The following GSK3B variants were observed in gnomAD, a reference collection of about 807,000 sequenced individuals.
GSK3B encodes the protein glycogen synthase kinase 3 beta, also known as glycogen synthase kinase-3 beta.
GSK3B carries 15 observed loss-of-function variants against 56.4 expected under a neutral mutation model. That is an observed-to-expected ratio of 0.27 (90% CI 0.18 to 0.41). The LOEUF (loss-of-function observed/expected upper bound fraction) is 0.41. Ranked by LOEUF, GSK3B falls within the 10% of genes least tolerant of loss-of-function variation. The pLI, the probability that GSK3B is intolerant of heterozygous loss-of-function variation, is 1.00. For synonymous variants in GSK3B, 181 were observed against 188.9 expected, an observed-to-expected ratio of 0.96 and a Z score of 0.34; for missense variants, 300 against 513.4, an observed-to-expected ratio of 0.58 and a Z score of 4.02.
intron 2 of GSK3B, among the ~76,000 whole-genome samples, chr3:119,986,516 G>T (rs1009528468): frequency 6.6e-6 from 1 of 151,526 alleles, no homozygotes; most frequent in Non-Finnish European, 1.5e-5. Flanking sequence ...TCATAAAGTG[G>T]GCAACAGATA....
At chr3:119,843,617 G>A in intron 9 of GSK3B, 1 of 227,422 alleles carries the variant, frequency 4.4e-6, no homozygotes, top group Non-Finnish European at 8.9e-6. Context: ...GCAACAAGAA[G>A]AGCTAACTAT....
chr3:120,026,486 G>A (rs2057925134), intron 1 of GSK3B, among the ~76,000 whole-genome samples: 1 of 147,756 alleles, frequency 6.8e-6, no homozygotes, highest in Non-Finnish European at 1.5e-5. Flanking sequence ...TGGAAACAGA[G>A]AAATAAGCAA....
chr3:120,002,551 CT>C (rs1338898843), intron 1 of GSK3B, among the ~76,000 whole-genome samples: 1 of 152,130 alleles, frequency 6.6e-6, no homozygotes, highest in African/African-American at 2.4e-5. Context: ...GTTGGCCAGG[CT>C]GGTCTTGAAC....
At chr3:119,963,625 C>CAAAAAA (rs774359104) in intron 2 of GSK3B, among the ~76,000 whole-genome samples, 30 of 78,986 alleles carry the variant, frequency 3.8e-4, no homozygotes, top group African/African-American at 1.1e-3. Context: ...TTCTTCCCCA[C>CAAAAAA]AAAAAAAAAA....
intron 2 of GSK3B, among the ~76,000 whole-genome samples, chr3:119,948,702 T>C (rs1232442678): frequency 2.0e-5 from 3 of 152,162 alleles, no homozygotes; most frequent in Admixed American, 1.3e-4. Context: ...CTTTGTTTTT[T>C]TGTTTGTTTG....
At chr3:119,903,471 G>A (rs1021452649) in intron 7 of GSK3B, among the ~76,000 whole-genome samples, 4 of 149,906 alleles carry the variant, frequency 2.7e-5, no homozygotes, top group African/African-American at 9.7e-5. Flanking sequence ...TATTGATCAC[G>A]GACCATTTTG....
intron 9 of GSK3B, 81 bp downstream of exon 9, chr3:119,863,338 A>G (rs1577323264): frequency 8.7e-7 from 1 of 1,155,300 alleles, no homozygotes; most frequent in South Asian, 1.3e-5. Context: ...TCCTCCACAG[A>G]TTTTAATTAA....
chr3:119,948,306 G>A (rs1004496599), intron 2 of GSK3B, among the ~76,000 whole-genome samples: 6 of 152,296 alleles, frequency 3.9e-5, no homozygotes, highest in African/African-American at 1.4e-4. Context: ...ATGAGGATGC[G>A]TTGGGACCAA....
chr3:120,007,965 G>T (rs903946172), intron 1 of GSK3B, among the ~76,000 whole-genome samples: 2 of 152,164 alleles, frequency 1.3e-5, no homozygotes, highest in African/African-American at 4.8e-5. Context: ...TAGGAGGAGA[G>T]GAAGTCAAAT....
chr3:119,825,978 T>A lies in GSK3B; in HGVS notation c.*810A>T, dbSNP rs1280150501. ...CTTCCATCTCCTCCCAGGTCACTAG[T>A]TTGAAACTGTGCTAAGATTTGCAAA... On this transcript the variant is annotated 3_prime_UTR_variant, in exon 11 of 11. Coordinates refer to ENST00000264235, the MANE Select transcript of GSK3B (RefSeq NM_001146156.2). The A allele has an allele frequency of 9.3e-6, 2 of 215,596 alleles. No individual in the cohort carries two copies. Among genetic ancestry groups the A allele is most frequent in the Non-Finnish European group, 1.9e-5 (2 of 107,212 alleles). 13.4% of individuals were successfully genotyped at this position (215,596 alleles called of 1,614,324 possible).
intron 7 of GSK3B, among the ~76,000 whole-genome samples, chr3:119,894,818 T>C (rs953006292): frequency 2.0e-5 from 3 of 152,178 alleles, no homozygotes; most frequent in African/African-American, 7.2e-5. Flanking sequence ...ATTGACTAAT[T>C]GAAGTTCACA....
chr3:120,089,157 T>C (rs1339746339), intron 1 of GSK3B, among the ~76,000 whole-genome samples: 2 of 152,226 alleles, frequency 1.3e-5, no homozygotes, highest in African/African-American at 4.8e-5. Context: ...TGTCACCTCA[T>C]TTTCTAAATG....
At chr3:119,898,525 A>T (rs555066619) in intron 7 of GSK3B, among the ~76,000 whole-genome samples, 2 of 152,160 alleles carry the variant, frequency 1.3e-5, no homozygotes, top group African/African-American at 4.8e-5. Context: ...TATACATATA[A>T]TAAGTAATAA....
chr3:120,065,730 C>G (rs945242998), intron 1 of GSK3B, among the ~76,000 whole-genome samples: 1 of 152,100 alleles, frequency 6.6e-6, no homozygotes, highest in Non-Finnish European at 1.5e-5. Context: ...ACTGAATAAA[C>G]AAAATGTAAT....
intron 10 of GSK3B, among the ~76,000 whole-genome samples, chr3:119,842,660 G>A (rs1411183760): frequency 6.6e-6 from 1 of 151,988 alleles, no homozygotes; most frequent in Non-Finnish European, 1.5e-5. Flanking sequence ...GTCTCACTAT[G>A]TTGTCCAGGA....
At chr3:119,960,201 TATG>T (rs2057258251) in intron 2 of GSK3B, among the ~76,000 whole-genome samples, 1 of 135,042 alleles carries the variant, frequency 7.4e-6, no homozygotes, top group African/African-American at 2.8e-5. Context: ...ACATACTGGA[TATG>T]ATTCCATTTT....
At chr3:119,883,951 G>T (rs2056406834) in intron 7 of GSK3B, among the ~76,000 whole-genome samples, 1 of 152,128 alleles carries the variant, frequency 6.6e-6, no homozygotes, top group South Asian at 2.1e-4. Flanking sequence ...CCACCAAGTG[G>T]TGAACATTAG....
chr3:119,889,489 A>T (rs564993218), intron 7 of GSK3B, among the ~76,000 whole-genome samples: 2 of 152,250 alleles, frequency 1.3e-5, no homozygotes, highest in East Asian at 1.9e-4. Context: ...TTACTACTTG[A>T]AGACTGACTG....
chr3:120,089,074 C>G (rs562583685), intron 1 of GSK3B, among the ~76,000 whole-genome samples: 1 of 152,326 alleles, frequency 6.6e-6, no homozygotes, highest in African/African-American at 2.4e-5. Context: ...CAACTCAATT[C>G]TAATATAAGG....
Sources: gnomAD v4.1 joint callset for allele counts (sites outside exome capture counted in the v4.1 genomes callset) on GRCh38, gnomAD v4.1.1 for gene constraint, MANE v1.5 for transcripts, NCBI Gene and HGNC (gene_info 2026-07-23, HGNC 2026-07-21) for gene names.